Variants in ZNRF3 observed in about 807,000 individuals in gnomAD.
ZNRF3 encodes the protein zinc and ring finger 3.
Under a neutral mutation model 72.5 loss-of-function variants are expected in ZNRF3, and 23 were observed. The ratio of observed to expected loss-of-function variants is 0.32; its 90% CI spans 0.23 to 0.45. ZNRF3 has a LOEUF of 0.45. Ranked by LOEUF, ZNRF3 falls within the 20% of genes least tolerant of loss-of-function variation. ZNRF3 has a pLI of 1.00. For synonymous variants in ZNRF3, 610 were observed against 545.3 expected (o/e 1.12, Z -1.65); for missense variants, 1,169 against 1,272.1 (o/e 0.92, Z 1.23).
At chr22:28,974,020 C>T (rs1160754694) in intron 1 of ZNRF3, among the ~76,000 whole-genome samples, 4 of 147,088 alleles carry the variant, frequency 2.7e-5, no homozygotes, top group East Asian at 2.0e-4. Flanking sequence ...TACAGTGGCG[C>T]GATCTCGGCT....
intron 1 of ZNRF3, among the ~76,000 whole-genome samples, chr22:28,911,773 T>TG (rs2034323614): frequency 6.6e-6 from 1 of 152,034 alleles, no homozygotes; most frequent in African/African-American, 2.4e-5. Context: ...CCCTAACCCC[T>TG]CAGTTTGGGC....
intron 1 of ZNRF3, among the ~76,000 whole-genome samples, chr22:28,977,381 T>C (rs1463827829): frequency 6.6e-6 from 1 of 152,228 alleles, no homozygotes; most frequent in Non-Finnish European, 1.5e-5. Flanking sequence ...TTAGGCTCTT[T>C]GTTCAAAGAG....
At chr22:28,902,268 A>G (rs1203521003) in intron 1 of ZNRF3, among the ~76,000 whole-genome samples, 1 of 152,178 alleles carries the variant, frequency 6.6e-6, no homozygotes, top group East Asian at 1.9e-4. Context: ...TTTGGGTATA[A>G]GTTCTCTTTA....
chr22:29,043,102 C>T (rs1221389996), intron 3 of ZNRF3, among the ~76,000 whole-genome samples, 197 bp from the exon 4 acceptor site: 2 of 152,046 alleles, frequency 1.3e-5, no homozygotes, highest in African/African-American at 2.4e-5. Flanking sequence ...CCTTTCTGGG[C>T]CTTCTGCTTG....
chr22:28,978,012 T>C (rs1218080000), intron 1 of ZNRF3, among the ~76,000 whole-genome samples: 1 of 152,198 alleles, frequency 6.6e-6, no homozygotes, highest in African/African-American at 2.4e-5. Flanking sequence ...CCTAGCTTCT[T>C]TGTCCATTAA....
chr22:28,931,947 A>G (rs2034715729), intron 1 of ZNRF3, among the ~76,000 whole-genome samples: 1 of 152,248 alleles, frequency 6.6e-6, no homozygotes, highest in East Asian at 1.9e-4. Context: ...GAGAAGGCAG[A>G]TGGCATAATG....
chr22:29,039,971 G>A (rs1038350868), intron 2 of ZNRF3, among the ~76,000 whole-genome samples: 1 of 151,992 alleles, frequency 6.6e-6, no homozygotes, highest in African/African-American at 2.4e-5. Flanking sequence ...TAGAAAGATA[G>A]ATAGCTCTAT....
intron 1 of ZNRF3, among the ~76,000 whole-genome samples, chr22:28,934,405 A>G (rs2034781899): frequency 1.3e-5 from 2 of 152,220 alleles, no homozygotes; most frequent in South Asian, 4.1e-4. Context: ...TTGTTAAACA[A>G]CAATCACAAA....
Position 29,050,302 on chromosome 22 carries a change from G to A in ZNRF3, c.2121G>A (p.Leu707=), listed in dbSNP as rs1377740586. The change falls in exon 8 of 9, where the codon TTG becomes TTA. Residue 707 remains leucine, a synonymous_variant. Coordinates refer to ENST00000544604, the MANE Select transcript of ZNRF3 (RefSeq NM_001206998.2). ...LRRTWKGGHE[L]PSCACCCEPQ... The stretch of plus-strand genomic sequence containing the variant: ...GGACCTGGAAGGGGGGCCACGAGTT[G>A]CCGTCGTGTGCCTGCTGCTGCGAGC... The A allele has an allele frequency of 1.3e-6, 2 of 1,598,222 alleles. No homozygotes were observed. Among genetic ancestry groups the A allele is most frequent in the Admixed American group, 1.7e-5 (1 of 59,794 alleles).
intron 2 of ZNRF3, among the ~76,000 whole-genome samples, chr22:29,003,238 T>A (rs144490181): frequency 6.6e-6 from 1 of 152,160 alleles, no homozygotes; most frequent in East Asian, 1.9e-4. Flanking sequence ...TTGTTTTGGC[T>A]GGGCGCAGTG....
chr22:28,950,054 A>G (rs2035130549), intron 1 of ZNRF3, among the ~76,000 whole-genome samples: 1 of 152,194 alleles, frequency 6.6e-6, no homozygotes, highest in South Asian at 2.1e-4. Flanking sequence ...TCTTAAGGAA[A>G]CTTTTATTTC....
intron 1 of ZNRF3, among the ~76,000 whole-genome samples, chr22:28,897,778 AGTGT>A (rs1374197880): frequency 6.6e-6 from 1 of 152,144 alleles, no homozygotes; most frequent in Non-Finnish European, 1.5e-5. Context: ...GGGTTCCACC[AGTGT>A]GTTCCTTTGA....
chr22:28,898,196 C>T (rs914803082), intron 1 of ZNRF3, among the ~76,000 whole-genome samples: 1 of 151,976 alleles, frequency 6.6e-6, no homozygotes, highest in Non-Finnish European at 1.5e-5. Context: ...GATCTATGCA[C>T]CTCGGCCTCC....
At chr22:29,015,671 A>C (rs868302553) in intron 2 of ZNRF3, among the ~76,000 whole-genome samples, 1,598 of 148,344 alleles carry the variant, frequency 0.011, 15 homozygotes, top group African/African-American at 0.029. Flanking sequence ...TTCTGTTTAA[A>C]AAAAAAAAAA....
At chr22:28,899,689 C>T (rs368617264) in intron 1 of ZNRF3, among the ~76,000 whole-genome samples, 8 of 140,676 alleles carry the variant, frequency 5.7e-5, no homozygotes, top group Admixed American at 4.3e-4. Context: ...TTCTTTCTTT[C>T]TTTCTTTTTT....
At chr22:29,051,603 T>TAAAA (rs1212194016) in intron 8 of ZNRF3, among the ~76,000 whole-genome samples, 2 of 105,024 alleles carry the variant, frequency 1.9e-5, no homozygotes, top group Admixed American at 1.0e-4. Flanking sequence ...GACTCTGTCT[T>TAAAA]AAAAAAAAAA....
intron 8 of ZNRF3, among the ~76,000 whole-genome samples, chr22:29,053,326 CTT>C (rs2037241059): frequency 6.6e-6 from 1 of 152,236 alleles, no homozygotes; most frequent in African/African-American, 2.4e-5. Context: ...CAGTTAACAT[CTT>C]TAATATATTG....
In ZNRF3 at chr22:29,048,290, G is replaced by C; in HGVS notation, c.913-99G>C. 1.1e-6 allele frequency: 1 copy of C among 895,778 alleles called. No homozygotes were observed. Among genetic ancestry groups the C allele is most frequent in the Non-Finnish European group, 1.7e-6 (1 of 572,154 alleles). The allele number at this position is 895,778 out of a possible 1,614,324, so 55.5% of individuals were successfully genotyped here. Reference sequence around the variant, plus strand: ...TGGGGAGGAGAGTAGGGAAGGGCACGGGCATGCTGTGCAGAACTCCTTGGT... The same window carrying C: ...TGGGGAGGAGAGTAGGGAAGGGCACCGGCATGCTGTGCAGAACTCCTTGGT... On this transcript the variant is annotated intron_variant, in intron 6 of 8. Coordinates refer to ENST00000544604, the MANE Select transcript of ZNRF3 (RefSeq NM_001206998.2). The surrounding 1 kb of genome is among the most constrained non-coding windows in gnomAD (Gnocchi z 4.9).
rs1221562978 is a variant in ZNRF3 at position 29,049,709 on chromosome 22, C to T, written c.1528C>T (p.Pro510Ser). 6.2e-7 allele frequency: 1 copy of T among 1,604,490 alleles called. No individual in the cohort carries two copies. Among genetic ancestry groups the T allele is most frequent in the Non-Finnish European group, 8.5e-7 (1 of 1,176,960 alleles). ...GAGCGGCAGTGGCAGCCTGCTCTTC[C>T]CCACCGTGGTGCACGTGGCCCCGCC... ...PPSGSGSLLF[P>S]TVVHVAPPSH... The change falls in exon 8 of 9, where the codon CCC becomes TCC. Residue 510 changes from proline (P) to serine (S), a missense_variant. This residue lies in a region of ZNRF3 where 783 missense variants were observed against 731.4 expected (regional missense o/e 1.07). Coordinates refer to ENST00000544604, the MANE Select transcript of ZNRF3 (RefSeq NM_001206998.2). The surrounding 1 kb of genome is among the most constrained non-coding windows in gnomAD (Gnocchi z 5.2).
Sources: allele counts gnomAD v4.1 joint callset (sites outside exome capture counted in the v4.1 genomes callset), GRCh38; gene constraint gnomAD v4.1.1; regional missense constraint gnomAD v4.1.1; non-coding constraint Gnocchi (gnomAD v3.1); transcripts MANE v1.5; gene names NCBI Gene and HGNC (gene_info 2026-07-23, HGNC 2026-07-21).